GEM: variants seen among roughly 807,000 people sequenced by gnomAD.
The protein encoded by GEM is GTP binding protein overexpressed in skeletal muscle.
GEM carries 31 observed loss-of-function variants against 33.0 expected under a neutral mutation model. That is an observed-to-expected ratio of 0.94 (90% CI 0.71 to 1.27). The LOEUF is 1.27. GEM is among the 50% of genes most tolerant of loss of function. GEM has a pLI of 0.00. For synonymous variants in GEM, 141 were observed against 143.7 expected (o/e 0.98, Z 0.13); for missense variants, 354 against 390.5 (o/e 0.91, Z 0.79).
chr8:94,250,576 A>T lies in GEM; in HGVS notation c.625T>A (p.Cys209Ser). ...AACTTGCAGTCAAACACCACTGCAC[A>T]GGCTCTCCCTTCTGGGAAGGAAAGA... ...REVSVSEGRACAVVFDCKFIE... is the reference protein window; with the variant it reads ...REVSVSEGRASAVVFDCKFIE... Residue 209 changes from cysteine to serine, a missense_variant, in exon 5 of 5, where the codon TGT becomes AGT. Transcript: ENST00000297596. 5 of 1,612,178 alleles carry T rather than the reference A, an allele frequency of 3.1e-6. No homozygotes were observed. The highest frequency in any genetic ancestry group is 4.2e-6 in the Non-Finnish European group (5 of 1,178,524).
At chr8:94,252,325 T>C in intron 3 of GEM, 102 bp from the exon 4 acceptor site, 1 of 747,662 alleles carries the variant, frequency 1.3e-6, no homozygotes, top group Non-Finnish European at 2.2e-6. Flanking sequence ...CACTTGCTGA[T>C]AGGAAAAATA....
chr8:94,261,805 C>T (rs1008220314), intron 1 of GEM, among the ~76,000 whole-genome samples: 2 of 152,108 alleles, frequency 1.3e-5, no homozygotes, highest in Non-Finnish European at 2.9e-5. Context: ...TAAGTACTTA[C>T]GTTGCAATCA....
chr8:94,261,860 C>G (rs1809030248), intron 1 of GEM, among the ~76,000 whole-genome samples: 1 of 152,170 alleles, frequency 6.6e-6, no homozygotes, highest in Admixed American at 6.5e-5. Context: ...CCCCACACTC[C>G]GTACCCCAAC....
rs1586066018 is a variant in GEM at position 94,259,927 on chromosome 8, A to G, written c.331+246T>C. Reference sequence around the variant, plus strand: ...AATCAGCCTTCCCCAACCCATTTAGAATTGGAATCTGAAGAATTCCCTTTC... The same window carrying G: ...AATCAGCCTTCCCCAACCCATTTAGGATTGGAATCTGAAGAATTCCCTTTC... On this transcript the variant is annotated intron_variant, in intron 2 of 4. Transcript: ENST00000297596. The G allele has an allele frequency of 6.7e-6, 3 of 449,136 alleles. No individual in the cohort carries two copies. In the East Asian group the frequency reaches 1.0e-4, roughly 16 times the overall value. 27.8% of individuals were successfully genotyped at this position (449,136 alleles called of 1,614,324 possible). A position where few individuals can be genotyped will look rare whatever the true frequency, so the allele number is the denominator to read the frequency against.
At chr8:94,258,894 A>C (rs1222593665) in intron 2 of GEM, among the ~76,000 whole-genome samples, 6 of 152,170 alleles carry the variant, frequency 3.9e-5, no homozygotes. Context: ...CTTTGTGAAG[A>C]CCAAAATAAA....
chr8:94,253,218 C>A, intron 2 of GEM, 106 bp from the exon 3 acceptor site: 2 of 690,850 alleles, frequency 2.9e-6, no homozygotes, highest in Admixed American at 2.3e-5. Flanking sequence ...ACTAAATATG[C>A]AATTAATTAT....
At position 94,252,063 on chromosome 8, in the gene GEM, C is replaced by G. The variant is rs375183063; in HGVS notation, c.569G>C (p.Gly190Ala). The G allele has an allele frequency of 1.2e-6, 2 of 1,614,006 alleles. No individual in the cohort carries two copies. The highest frequency in any genetic ancestry group is 4.5e-5 in the East Asian group (2 of 44,888). The change falls in exon 4 of 5, where the codon GGC becomes GCC. Residue 190 changes from glycine to alanine, a missense_variant. Gly to Ala is a moderately conservative substitution (Grantham distance 60). Coordinates refer to ENST00000297596, the MANE Select transcript of GEM (RefSeq NM_005261.4). Reference sequence around the variant, plus strand: ...GCACCGCACTAAGTCACTTTTGTTGCCAACCAAAATTATGGGAATGTCCTC... The same window carrying G: ...GCACCGCACTAAGTCACTTTTGTTGGCAACCAAAATTATGGGAATGTCCTC... ...QTEDIPIILV[G>A]NKSDLVRCRE...
intron 2 of GEM, among the ~76,000 whole-genome samples, chr8:94,255,784 C>A (rs1033303291): frequency 1.3e-5 from 2 of 152,172 alleles, no homozygotes; most frequent in African/African-American, 4.8e-5. Flanking sequence ...ACCCCTACTT[C>A]TCCAGTGCAC....
Position 94,262,083 on chromosome 8 carries a change from C to G in GEM, c.-10+7G>C, listed in dbSNP as rs1052634113. 1.3e-5 allele frequency: 2 copies of G among 152,294 alleles called. No homozygotes were observed. Among genetic ancestry groups the G allele is most frequent in the Admixed American group, 6.5e-5 (1 of 15,290 alleles). 9.4% of individuals were successfully genotyped at this position (152,294 alleles called of 1,614,324 possible). On this transcript the variant is annotated splice_region_variant and intron_variant, in intron 1 of 4. Coordinates refer to ENST00000297596, the MANE Select transcript of GEM (RefSeq NM_005261.4). ...ACATCCTTTGCACTTGAAGCTCTGA[C>G]CCCTACCAGAAAATCCCAGTGCTGA...
At chr8:94,261,878 C>T (rs185814089) in intron 1 of GEM, among the ~76,000 whole-genome samples, 12 of 152,278 alleles carry the variant, frequency 7.9e-5, no homozygotes, top group African/African-American at 2.6e-4. Flanking sequence ...AACATCTCGC[C>T]ACTAACCAGG....
intron 2 of GEM, chr8:94,259,892 T>C: frequency 2.8e-6 from 1 of 352,792 alleles, no homozygotes; most frequent in Non-Finnish European, 5.2e-6. Flanking sequence ...CCTCTGGCTC[T>C]GCCCTCTCTA....
At chr8:94,260,013 G>A (rs1267086526) in intron 2 of GEM, 160 bp downstream of exon 2, 5 of 558,214 alleles carry the variant, frequency 9.0e-6, no homozygotes, top group Admixed American at 3.0e-5. Context: ...TTGCCCGAAA[G>A]CCTGTGCTTG....
At chr8:94,261,334 A>G (rs1809019258) in intron 1 of GEM, among the ~76,000 whole-genome samples, 1 of 152,062 alleles carries the variant, frequency 6.6e-6, no homozygotes, top group African/African-American at 2.4e-5. Flanking sequence ...CATTCTCAAG[A>G]GTTCTTTAAT....
chr8:94,255,621 C>A (rs1355824663), intron 2 of GEM, among the ~76,000 whole-genome samples: 1 of 152,184 alleles, frequency 6.6e-6, no homozygotes, highest in Non-Finnish European at 1.5e-5. Flanking sequence ...ATCTTTTATC[C>A]TTTTCAAGTG....
chr8:94,251,916 G>A (rs1808777169), intron 4 of GEM, 103 bp downstream of exon 4: 2 of 864,628 alleles, frequency 2.3e-6, no homozygotes, highest in Admixed American at 1.8e-5. Context: ...ATCTTAATGA[G>A]TTCCTAGATC....
At chr8:94,254,109 A>G (rs547767634) in intron 2 of GEM, among the ~76,000 whole-genome samples, 1 of 152,218 alleles carries the variant, frequency 6.6e-6, no homozygotes, top group South Asian at 2.1e-4. Context: ...CCATCCATTT[A>G]AAATTGCAAC....
chr8:94,254,008 T>C (rs1808834406), intron 2 of GEM, among the ~76,000 whole-genome samples: 1 of 152,214 alleles, frequency 6.6e-6, no homozygotes, highest in Non-Finnish European at 1.5e-5. Flanking sequence ...TGATTTATCA[T>C]TTTTCTTCTG....
intron 2 of GEM, among the ~76,000 whole-genome samples, chr8:94,256,562 T>C (rs1029903430): frequency 6.6e-6 from 1 of 152,204 alleles, no homozygotes; most frequent in Non-Finnish European, 1.5e-5. Flanking sequence ...GTTCTGAGAC[T>C]CCAGCATCCC....
chr8:94,252,299 T>C (rs1236116763), intron 3 of GEM, 76 bp from the exon 4 acceptor site: 17 of 992,806 alleles, frequency 1.7e-5, no homozygotes, highest in Non-Finnish European at 2.5e-5. Flanking sequence ...AGAAACAATA[T>C]GTGTATCCTA....
Sources: allele counts gnomAD v4.1 joint callset (sites outside exome capture counted in the v4.1 genomes callset), GRCh38; gene constraint gnomAD v4.1.1; transcripts MANE v1.5; gene names NCBI Gene and HGNC (gene_info 2026-07-23, HGNC 2026-07-21).